The following FANCA variants were observed in gnomAD, a reference collection of about 807,000 sequenced individuals.
FANCA encodes the protein FA complementation group A, also known as Fanconi anemia group A protein.
In FANCA, 236 loss-of-function variants were observed where a neutral mutation model predicts 194.3. The observed-to-expected ratio is 1.21, with a 90% CI of 1.09 to 1.35. The LOEUF is 1.35. FANCA is among the 40% of genes most tolerant of loss of function. FANCA has a pLI of 0.00. For synonymous variants in FANCA, 1,014 were observed against 715.8 expected (o/e 1.42, Z -6.65); for missense variants, 2,628 against 1,813.9 (o/e 1.45, Z -8.15).
chr16:89,744,412 G>A (rs774343525), intron 36 of FANCA, among the ~76,000 whole-genome samples: 24 of 152,186 alleles, frequency 1.6e-4, no homozygotes, highest in Non-Finnish European at 4.4e-5. Context: ...TGTGAGCCTG[G>A]ATTGCGCCAG....
intron 33 of FANCA, among the ~76,000 whole-genome samples, 166 bp from the exon 34 acceptor site, chr16:89,747,056 T>C (rs1287701207): frequency 6.6e-6 from 1 of 152,198 alleles, no homozygotes; most frequent in African/African-American, 2.4e-5. Context: ...GCCCTGGCTG[T>C]GCTGTCCTGA....
chr16:89,785,966 C>G (rs1482691453), intron 14 of FANCA, among the ~76,000 whole-genome samples: 3 of 146,692 alleles, frequency 2.0e-5, no homozygotes. Context: ...AACAATTCTC[C>G]TGCCTCCCTA....
intron 10 of FANCA, chr16:89,798,566 G>C (rs1012537321): frequency 8.8e-7 from 1 of 1,136,160 alleles, no homozygotes; most frequent in Non-Finnish European, 1.1e-6. Context: ...CTAGAGGGAA[G>C]CAAACCCCAG....
chr16:89,763,821 T>C (rs1479405541), intron 28 of FANCA, among the ~76,000 whole-genome samples: 2 of 151,454 alleles, frequency 1.3e-5, no homozygotes, highest in Non-Finnish European at 2.9e-5. Context: ...TAGTCCCAGC[T>C]ACTTGGGAGG....
At chr16:89,755,535 CA>C (rs2038738719) in intron 30 of FANCA, among the ~76,000 whole-genome samples, 1 of 152,070 alleles carries the variant, frequency 6.6e-6, no homozygotes, top group African/African-American at 2.4e-5. Context: ...CAAAATGAAT[CA>C]AAATCCTAAA....
intron 30 of FANCA, among the ~76,000 whole-genome samples, chr16:89,755,289 C>A (rs2038731102): frequency 1.3e-5 from 2 of 151,822 alleles, no homozygotes; most frequent in African/African-American, 2.4e-5. Context: ...GGGCTCATTG[C>A]AACCTCCGCC....
intron 30 of FANCA, among the ~76,000 whole-genome samples, chr16:89,753,694 TCTC>T (rs2038674331): frequency 1.3e-5 from 2 of 152,000 alleles, no homozygotes; most frequent in Admixed American, 6.6e-5. Flanking sequence ...TGAAAGCTGT[TCTC>T]CTAAGATCAG....
intron 7 of FANCA, among the ~76,000 whole-genome samples, chr16:89,804,541 C>T (rs2040566811): frequency 6.6e-6 from 1 of 152,134 alleles, no homozygotes; most frequent in Non-Finnish European, 1.5e-5. Flanking sequence ...CCAACTACTC[C>T]TCAAGCTGGA....
chr16:89,782,298 T>G (rs1417199466), intron 17 of FANCA, among the ~76,000 whole-genome samples: 1 of 151,446 alleles, frequency 6.6e-6, no homozygotes, highest in African/African-American at 2.4e-5. Context: ...GATCACAAGG[T>G]CAGGAGATTG....
intron 30 of FANCA, among the ~76,000 whole-genome samples, chr16:89,756,749 C>T (rs62054640): frequency 0.06 from 9,057 of 152,098 alleles, 413 homozygotes; most frequent in East Asian, 0.22. Context: ...CCCATAAAGG[C>T]TGGGGAAGCT....
intron 24 of FANCA, 86 bp from the exon 25 acceptor site, chr16:89,770,345 AG>A: frequency 3.1e-6 from 4 of 1,273,360 alleles, no homozygotes; most frequent in Non-Finnish European, 4.5e-6. Flanking sequence ...CAGCGGCCGA[AG>A]AAAGAGCCAA....
At position 89,740,849 on chromosome 16, in the gene FANCA, G is replaced by A. The variant is rs2062115689; in HGVS notation, c.3783C>T (p.Phe1261=). 1.2e-6 allele frequency: 2 copies of A among 1,613,358 alleles called. No individual in the cohort carries two copies. Among genetic ancestry groups the A allele is most frequent in the Non-Finnish European group, 1.7e-6 (2 of 1,179,590 alleles). ...ACAGCAGGCCCATCAAGGAGAAGAA[G>A]AAAAGGAAAACCAATAGCTGTAAAT... ...CEREELLVFL[F]FFSLMGLLSS... is the part of the protein sequence containing the mutation. Residue 1261 remains phenylalanine, a synonymous_variant, in exon 38 of 43, where the codon TTC becomes TTT. Coordinates refer to ENST00000389301, the MANE Select transcript of FANCA (RefSeq NM_000135.4).
chr16:89,813,806 C>CTGTGTGTGTGTGTGTGTGTG (rs71137678), intron 3 of FANCA, among the ~76,000 whole-genome samples: 7 of 149,546 alleles, frequency 4.7e-5, no homozygotes, highest in Admixed American at 2.7e-4. Flanking sequence ...AAGTCTTTTA[C>CTGTGTGTGTGTGTGTGTGTG]TGTGTGTGTG....
intron 29 of FANCA, 61 bp downstream of exon 29, chr16:89,761,888 G>T: frequency 7.3e-7 from 1 of 1,362,448 alleles, no homozygotes; most frequent in East Asian, 2.3e-5. Flanking sequence ...GCCTCCCAAA[G>T]TGCTGGGATT....
chr16:89,773,239 G>T, intron 22 of FANCA, 32 bp downstream of exon 22: 1 of 1,495,864 alleles, frequency 6.7e-7, no homozygotes, highest in South Asian at 1.2e-5. Context: ...CTGCACACAT[G>T]AGACACAGCA....
At chr16:89,799,254 G>T (rs370920154) in intron 9 of FANCA, 22 bp from the exon 10 acceptor site, 1 of 1,613,678 alleles carries the variant, frequency 6.2e-7, no homozygotes, top group Non-Finnish European at 8.5e-7. Flanking sequence ...GCCAGGAACA[G>T]AAAACAGATG....
chr16:89,739,583 T>C, intron 39 of FANCA, 30 bp from the exon 40 acceptor site: 1 of 1,547,452 alleles, frequency 6.5e-7, no homozygotes, highest in Non-Finnish European at 8.7e-7. Context: ...CTCAGGCAAC[T>C]CTGGACATCT....
rs763132382 is a variant in FANCA at position 89,739,305 on chromosome 16, T to C, written c.4011-16A>G. 2.5e-6 allele frequency: 4 copies of C among 1,614,018 alleles called. No individual in the cohort carries two copies. The highest frequency in any genetic ancestry group is 2.2e-5 in the South Asian group (2 of 91,082). On this transcript the variant is annotated splice_polypyrimidine_tract_variant and intron_variant, in intron 40 of 42. Transcript: ENST00000389301. ...GGAGAGAAGACTAGAGGTAAAGACA[T>C]AGTGACAAATGGCTACAGACTGCTG...
intron 30 of FANCA, among the ~76,000 whole-genome samples, chr16:89,754,197 G>C (rs1202896399): frequency 6.6e-6 from 1 of 151,456 alleles, no homozygotes; most frequent in Non-Finnish European, 1.5e-5. Flanking sequence ...ACTCCAGCCT[G>C]GGTGACAGAG....
Sources: gnomAD v4.1 joint callset for allele counts (sites outside exome capture counted in the v4.1 genomes callset) on GRCh38, gnomAD v4.1.1 for gene constraint, MANE v1.5 for transcripts, NCBI Gene and HGNC (gene_info 2026-07-23, HGNC 2026-07-21) for gene names.